The following TNXB variants were observed in gnomAD, a reference collection of about 807,000 sequenced individuals.
The protein encoded by TNXB is tenascin XB.
A neutral mutation model predicts 340.5 loss-of-function variants in TNXB; 183 were observed. The observed-to-expected ratio is 0.54, with a 90% CI of 0.48 to 0.61. The LOEUF is 0.61. Among genes scored for constraint, TNXB ranks in the 20% least tolerant of loss-of-function variants. The probability of loss-of-function intolerance (pLI) is 0.00; values close to 1 mark genes in which losing one functional copy is unlikely to be tolerated. For synonymous variants in TNXB, 2,121 were observed against 2,314.5 expected (o/e 0.92, Z 2.40); for missense variants, 4,613 against 5,446.4 (o/e 0.85, Z 4.82).
At chr6:32,048,337 G>A (rs371046648) in intron 29 of TNXB, 26 bp downstream of exon 29, 115 of 1,472,762 alleles carry the variant, frequency 7.8e-5, no homozygotes, top group Non-Finnish European at 9.6e-5. Flanking sequence ...GGCTCTGGCC[G>A]CGGGAGGCCT....
In TNXB at chr6:32,067,516, C is replaced by G; in HGVS notation, c.6544+145G>C. On this transcript the variant is annotated intron_variant, in intron 18 of 43. Transcript: ENST00000644971. This position sits in a 1 kb window ranked among gnomAD's most constrained non-coding sequence, Gnocchi z 4.2. The stretch of plus-strand genomic sequence containing the variant: ...TTCTCCTGGATTTGCTCTCTCTGTC[C>G]CCAGATCACACCTGTCCTGAGCCTT... The G allele has an allele frequency of 1.7e-6, 2 of 1,204,868 alleles. No individual in the cohort carries two copies. The highest frequency in any genetic ancestry group is 2.2e-6 in the Non-Finnish European group (2 of 899,908). 74.6% of individuals were successfully genotyped at this position (1,204,868 alleles called of 1,614,324 possible).
Position 32,068,081 on chromosome 6 carries a change from CAG to C in TNXB, c.6221-99_6221-98del. The C allele has an allele frequency of 6.8e-7, 1 of 1,479,174 alleles. No homozygotes were observed. The highest frequency in any genetic ancestry group is 2.4e-5 in the East Asian group (1 of 42,416). The allele number at this position is 1,479,174 out of a possible 1,614,324, so 91.6% of individuals were successfully genotyped here. A position where few individuals can be genotyped will look rare whatever the true frequency, so the allele number is the denominator to read the frequency against. On this transcript the variant is annotated intron_variant, in intron 17 of 43. Coordinates refer to ENST00000644971, the MANE Select transcript of TNXB (RefSeq NM_001365276.2). The surrounding 1 kb of genome is among the most constrained non-coding windows in gnomAD (Gnocchi z 5.3). ...ATGACTGGGGGACCCGAGGTCAGTT[CAG>C]AGAGGCCTACTCTTGGGGCTGGGTG...
At position 32,069,237 on chromosome 6, in the gene TNXB, C is replaced by A; in HGVS notation, c.5588-101G>T. On this transcript the variant is annotated intron_variant, in intron 15 of 43. Transcript: ENST00000644971. This position sits in a 1 kb window ranked among gnomAD's most constrained non-coding sequence, Gnocchi z 6.2. ...AGAGGGAGTGAGGGCAAGCAGTCAG[C>A]AATCGAAAGACCAGCTTTTGCTGCA... 1 of 1,207,816 alleles carries A rather than the reference C, an allele frequency of 8.3e-7. No individual in the cohort carries two copies. Among genetic ancestry groups the A allele is most frequent in the Non-Finnish European group, 1.1e-6 (1 of 882,444 alleles). 74.8% of individuals were successfully genotyped at this position (1,207,816 alleles called of 1,614,324 possible).
Position 32,046,304 on chromosome 6 carries a change from C to G in TNXB, c.10477G>C (p.Val3493Leu). ...GTGCGCTGGTCTGCGGCCACAGGCA[C>G]TGCCCTGGGCTGCCCGTCCGTGTCC... is the stretch of plus-strand genomic sequence containing the variant. ...YRDTDGQPRA[V>L]PVAADQRTVT... Residue 3493 changes from valine (V) to leucine (L), a missense_variant, in exon 31 of 44, where the codon GTG becomes CTG. Physicochemically the swap from Val to Leu is conservative, Grantham distance 32 (BLOSUM62 1). Coordinates refer to ENST00000644971, the MANE Select transcript of TNXB (RefSeq NM_001365276.2). The surrounding 1 kb of genome is among the most constrained non-coding windows in gnomAD (Gnocchi z 6.9). 1.2e-6 allele frequency: 2 copies of G among 1,606,600 alleles called. No individual in the cohort carries two copies. Among genetic ancestry groups the G allele is most frequent in the Non-Finnish European group, 1.7e-6 (2 of 1,178,132 alleles).
Position 32,072,240 on chromosome 6 carries a change from T to C in TNXB, c.4740A>G (p.Leu1580=). 4 of 1,610,282 alleles carry C rather than the reference T, an allele frequency of 2.5e-6. No homozygotes were observed. Among genetic ancestry groups the C allele is most frequent in the Non-Finnish European group, 2.5e-6 (3 of 1,178,606 alleles). The change falls in exon 13 of 44, where the codon CTA becomes CTG. Residue 1580 remains leucine (L), a synonymous_variant. Coordinates refer to ENST00000644971, the MANE Select transcript of TNXB (RefSeq NM_001365276.2). This position sits in a 1 kb window ranked among gnomAD's most constrained non-coding sequence, Gnocchi z 4.4. Reference sequence around the variant, plus strand: ...TTATATCCGTCACTGTCAGCTCCCCTAGGCGTGGCTCCAGGGGAGGCTTGG... The same window carrying C: ...TTATATCCGTCACTGTCAGCTCCCCCAGGCGTGGCTCCAGGGGAGGCTTGG... ...EASKPPLEPR[L]GELTVTDITP...
chr6:32,105,735 G>A, intron 1 of TNXB, among the ~76,000 whole-genome samples: 1 of 152,110 alleles, frequency 6.6e-6, no homozygotes, highest in East Asian at 1.9e-4. Flanking sequence ...AGGACCAGAT[G>A]GTACAAGCAC....
chr6:32,085,955 C>A lies in TNXB; in HGVS notation c.2943G>T (p.Trp981Cys). ...AGGCAAAGGTGTCAGGCTGGGCGGTCCAGACCACACGGAGGCGCCCTGTCT... is the reference window on the plus strand; with the variant it reads ...AGGCAAAGGTGTCAGGCTGGGCGGTACAGACCACACGGAGGCGCCCTGTCT... ...RDETGRLRVV[W>C]TAQPDTFAYF... The change falls in exon 7 of 44, where the codon TGG (tryptophan) becomes TGT (cysteine). Residue 981 changes from tryptophan (W) to cysteine (C), a missense_variant. By Grantham distance (215) the Trp-to-Cys change is radical (BLOSUM62 -2). Transcript: ENST00000644971. The surrounding 1 kb of genome is among the most constrained non-coding windows in gnomAD (Gnocchi z 6.4). 2 of 1,608,286 alleles carry A rather than the reference C, an allele frequency of 1.2e-6. No individual in the cohort carries two copies. Among genetic ancestry groups the A allele is most frequent in the Non-Finnish European group, 1.7e-6 (2 of 1,178,804 alleles).
Position 32,056,850 on chromosome 6 carries a change from T to TG in TNXB, c.7878dup (p.Ile2627HisfsTer16), listed in dbSNP as rs1777688153. 3 of 1,612,618 alleles carry TG rather than the reference T, an allele frequency of 1.9e-6. No individual in the cohort carries two copies. In the South Asian group the frequency reaches 3.3e-5, roughly 18 times the overall value. On this transcript the variant is annotated frameshift_variant, in exon 23 of 44. Transcript: ENST00000644971. LOFTEE classifies it high-confidence loss of function. ...GTCAGCTCCCCCAGGCGAGGCTTGA[T>TG]GGGGGGCTCAGGGGTCATGGTAGGC...
intron 1 of TNXB, among the ~76,000 whole-genome samples, chr6:32,105,482 AT>A (rs1223721412): frequency 1.3e-5 from 2 of 151,500 alleles, no homozygotes; most frequent in African/African-American, 4.9e-5. Context: ...CATGGCACCT[AT>A]TTTTTTTTCT....
At position 32,058,793 on chromosome 6, in the gene TNXB, G is replaced by A. The variant is rs186989133; in HGVS notation, c.7493-403C>T. On this transcript the variant is annotated intron_variant, in intron 21 of 43. Coordinates refer to ENST00000644971, the MANE Select transcript of TNXB (RefSeq NM_001365276.2). This position sits in a 1 kb window ranked among gnomAD's most constrained non-coding sequence, Gnocchi z 5.1. ...GATGTGTCAGGAACACAAATGACCCGTAGAAGATGATTAATTTTGTTATAG... is the reference window on the plus strand; with the variant it reads ...GATGTGTCAGGAACACAAATGACCCATAGAAGATGATTAATTTTGTTATAG... Among the ~76,000 whole-genome samples, 92 of 152,004 alleles carry A rather than the reference G, an allele frequency of 6.1e-4. 2 individuals are homozygous for A. Among genetic ancestry groups the A allele is most frequent in the Middle Eastern group, 6.8e-3 (2 of 292 alleles).
At position 32,082,603 on chromosome 6, in the gene TNXB, A is replaced by G. The variant is rs1382298019; in HGVS notation, c.3446-277T>C. ...TAGTGTGGCTCTGCCTCCAACCACA[A>G]ACCAGAGCAGCAGGGAGCTTCAGAA... On this transcript the variant is annotated intron_variant, in intron 8 of 43. Transcript: ENST00000644971. This position sits in a 1 kb window ranked among gnomAD's most constrained non-coding sequence, Gnocchi z 5.0. Among the ~76,000 whole-genome samples, 1 of 152,112 alleles carries G rather than the reference A, an allele frequency of 6.6e-6. No homozygotes were observed.
At chr6:32,078,760 C>T (rs1268424383) in intron 11 of TNXB, 1 of 465,896 alleles carries the variant, frequency 2.1e-6, no homozygotes, top group Non-Finnish European at 3.8e-6. Flanking sequence ...ATTCTTGATG[C>T]TTTACATCTG....
Position 32,055,766 on chromosome 6 carries a change from G to A in TNXB, c.8467+85C>T, listed in dbSNP as rs117438606. 1,606 of 1,528,284 alleles carry A rather than the reference G, an allele frequency of 1.1e-3. 42 individuals carry two copies. In the East Asian group the frequency reaches 0.035, roughly 33 times the overall value. 94.7% of individuals were successfully genotyped at this position (1,528,284 alleles called of 1,614,324 possible). On this transcript the variant is annotated intron_variant, in intron 24 of 43. Coordinates refer to ENST00000644971, the MANE Select transcript of TNXB (RefSeq NM_001365276.2). Reference sequence around the variant, plus strand: ...GCATGGAAACGTGCAAAAGAAGCCCGGCTGGTGAGAATATTTTTGTTTTCA... The same window carrying A: ...GCATGGAAACGTGCAAAAGAAGCCCAGCTGGTGAGAATATTTTTGTTTTCA...
In TNXB at chr6:32,090,262, C is replaced by A. The variant is rs765644755; in HGVS notation, c.2359-883G>T. On this transcript the variant is annotated intron_variant, in intron 4 of 43. Coordinates refer to ENST00000644971, the MANE Select transcript of TNXB (RefSeq NM_001365276.2). The surrounding 1 kb of genome is among the most constrained non-coding windows in gnomAD (Gnocchi z 4.3). ...ACATCTTGAATATATGAGATACTTA[C>A]AACAATCTCTATGCTTAGCAAATGC... 7.9e-5 allele frequency among the ~76,000 whole-genome samples: 12 copies of A among 152,198 alleles called. No homozygotes were observed. The highest frequency in any genetic ancestry group is 1.3e-4 in the Non-Finnish European group (9 of 68,046).
At position 32,058,433 on chromosome 6, in the gene TNXB, G is replaced by A. The variant is rs779672565; in HGVS notation, c.7493-43C>T. 7.5e-6 allele frequency: 11 copies of A among 1,468,788 alleles called. No individual in the cohort carries two copies. In the Admixed American group the frequency reaches 1.9e-4, roughly 25 times the overall value. 91.0% of individuals were successfully genotyped at this position (1,468,788 alleles called of 1,614,324 possible). On this transcript the variant is annotated intron_variant, in intron 21 of 43. Coordinates refer to ENST00000644971, the MANE Select transcript of TNXB (RefSeq NM_001365276.2). This position sits in a 1 kb window ranked among gnomAD's most constrained non-coding sequence, Gnocchi z 5.1. ...GGGATACAGAGTTTAAGGGTTTAAG[G>A]GCAACTTGCTTTGCTGGTGCTGTCA...
At chr6:32,059,108 G>T (rs966904185) in intron 21 of TNXB, among the ~76,000 whole-genome samples, 1 of 151,692 alleles carries the variant, frequency 6.6e-6, no homozygotes, top group African/African-American at 2.4e-5. Flanking sequence ...ATTTTCACTA[G>T]AAAAACGTGG....
chr6:32,049,646 G>A lies in TNXB; in HGVS notation c.9440-59C>T. The A allele has an allele frequency of 6.4e-7, 1 of 1,554,134 alleles. No individual in the cohort carries two copies. The highest frequency in any genetic ancestry group is 8.7e-7 in the Non-Finnish European group (1 of 1,145,580). ...GGATGTCCTTGGGTCCTGGGGAAAA[G>A]GAGGGAGAAGCCAAGGCTATGACTG... On this transcript the variant is annotated intron_variant, in intron 27 of 43. Coordinates refer to ENST00000644971, the MANE Select transcript of TNXB (RefSeq NM_001365276.2). This position sits in a 1 kb window ranked among gnomAD's most constrained non-coding sequence, Gnocchi z 4.5.
rs1582349946 is a variant in TNXB, at chr6:32,049,599, A to G, written c.9440-12T>C. On this transcript the variant is annotated splice_polypyrimidine_tract_variant and intron_variant, in intron 27 of 43. Coordinates refer to ENST00000644971, the MANE Select transcript of TNXB (RefSeq NM_001365276.2). The surrounding 1 kb of genome is among the most constrained non-coding windows in gnomAD (Gnocchi z 4.5). The stretch of plus-strand genomic sequence containing the variant: ...GGGGGTCTCTTCCTCTGCAGTGGAG[A>G]AGGAGGGAGAGAGAGTGAGGGGGAT... The G allele has an allele frequency of 6.3e-7, 1 of 1,591,506 alleles. No individual in the cohort carries two copies.
rs146818970 is a variant in TNXB at position 32,092,030 on chromosome 6, C to T, written c.2359-2651G>A. 1.0e-2 allele frequency among the ~76,000 whole-genome samples: 1,520 copies of T among 152,348 alleles called. 16 individuals are homozygous for T. The highest frequency in any genetic ancestry group is 0.013 in the Non-Finnish European group (854 of 68,040). On this transcript the variant is annotated intron_variant, in intron 4 of 43. Transcript: ENST00000644971. Reference sequence around the variant, plus strand: ...TGAACCTCTTTCTCATTCAGGAACTCATCTCCCTCAGTTTCCCCATGCTTT... The same window carrying T: ...TGAACCTCTTTCTCATTCAGGAACTTATCTCCCTCAGTTTCCCCATGCTTT...
Sources: gnomAD v4.1 joint callset for allele counts (sites outside exome capture counted in the v4.1 genomes callset) on GRCh38, gnomAD v4.1.1 for gene constraint, Gnocchi (gnomAD v3.1) non-coding constraint, MANE v1.5 for transcripts, NCBI Gene and HGNC (gene_info 2026-07-23, HGNC 2026-07-21) for gene names.